Variants in STAC observed in about 807,000 individuals in gnomAD.
The protein encoded by STAC is SH3 and cysteine-rich domain-containing protein.
A neutral mutation model predicts 48.8 loss-of-function variants in STAC; 43 were observed. The ratio of observed to expected loss-of-function variants is 0.88; its 90% confidence interval spans 0.69 to 1.14. STAC has a LOEUF of 1.14. Ranked by LOEUF, STAC falls within the 50% of genes most tolerant of loss-of-function variation. The pLI, the probability that STAC is intolerant of heterozygous loss-of-function variation, is 0.00. For synonymous variants in STAC, 193 were observed against 179.5 expected (o/e 1.07, Z -0.60); for missense variants, 497 against 504.0 (o/e 0.99, Z 0.13).
chr3:36,415,435 G>A (rs753185886), intron 1 of STAC, among the ~76,000 whole-genome samples: 17 of 152,204 alleles, frequency 1.1e-4, no homozygotes, highest in Non-Finnish European at 2.4e-4. Flanking sequence ...CTAGCAATGA[G>A]CAAGGCTCCG....
intron 6 of STAC, among the ~76,000 whole-genome samples, chr3:36,495,313 A>G (rs982294844): frequency 3.9e-5 from 6 of 152,180 alleles, no homozygotes; most frequent in Admixed American, 3.9e-4. Context: ...CCTATCACCT[A>G]TTGGACATTG....
At chr3:36,393,636 G>A (rs1175203584) in intron 1 of STAC, among the ~76,000 whole-genome samples, 1 of 150,354 alleles carries the variant, frequency 6.7e-6, no homozygotes, top group African/African-American at 2.4e-5. Context: ...GATGCAATTG[G>A]TGGCCTTATA....
intron 5 of STAC, among the ~76,000 whole-genome samples, chr3:36,490,347 A>T (rs900523139): frequency 6.6e-6 from 1 of 152,168 alleles, no homozygotes; most frequent in African/African-American, 2.4e-5. Flanking sequence ...GCTTGCAACC[A>T]TCTCCCCTTA....
rs1699465014 is a variant in STAC at position 36,547,068 on chromosome 3, G to C, written c.*779G>C. ...GAGAAGTGGGGAAAGGTGGAGCAGA[G>C]AGTTCTTACTTATTGAAGATTATAC... is the stretch of plus-strand genomic sequence containing the variant. On this transcript the variant is annotated 3_prime_UTR_variant, in exon 11 of 11. Coordinates refer to ENST00000273183, the MANE Select transcript of STAC (RefSeq NM_003149.3). The C allele has an allele frequency of 6.6e-6, 1 of 152,466 alleles. No homozygotes were observed. Among genetic ancestry groups the C allele is most frequent in the African/African-American group, 2.4e-5 (1 of 41,466 alleles). The allele number at this position is 152,466 out of a possible 1,614,324, so 9.4% of individuals were successfully genotyped here. A position where few individuals can be genotyped will look rare whatever the true frequency, so the allele number is the denominator to read the frequency against.
chr3:36,506,656 C>G (rs2885143), intron 8 of STAC, among the ~76,000 whole-genome samples: 45,454 of 151,906 alleles, frequency 0.3, 7,390 homozygotes, highest in Middle Eastern at 0.4. Context: ...CCCTTGTAAG[C>G]TGGATTCCTA....
intron 10 of STAC, among the ~76,000 whole-genome samples, chr3:36,540,427 T>G (rs1210737809): frequency 6.6e-6 from 1 of 152,178 alleles, no homozygotes; most frequent in Non-Finnish European, 1.5e-5. Context: ...TACCCTAGAT[T>G]GTCTAGGTGG....
At chr3:36,431,698 A>C (rs915315432) in intron 1 of STAC, among the ~76,000 whole-genome samples, 23 of 152,204 alleles carry the variant, frequency 1.5e-4, no homozygotes, top group Admixed American at 1.4e-3. Context: ...AGAGAGGTTT[A>C]TAAAGCACAC....
At chr3:36,481,737 C>T (rs1435183538) in intron 2 of STAC, among the ~76,000 whole-genome samples, 3 of 152,218 alleles carry the variant, frequency 2.0e-5, no homozygotes, top group African/African-American at 4.8e-5. Context: ...TTTTGGAGTG[C>T]AGGCCTTGTT....
At chr3:36,496,135 C>T (rs1698147453) in intron 6 of STAC, among the ~76,000 whole-genome samples, 1 of 152,176 alleles carries the variant, frequency 6.6e-6, no homozygotes, top group South Asian at 2.1e-4. Context: ...TCAAAGAGAT[C>T]TGGTGAAAGA....
chr3:36,499,286 T>C (rs1014884153), intron 6 of STAC, among the ~76,000 whole-genome samples: 1 of 152,294 alleles, frequency 6.6e-6, no homozygotes, highest in East Asian at 1.9e-4. Context: ...TAAAATAATG[T>C]TTTTAAAAAG....
rs371639701 is a variant in STAC, at chr3:36,398,834, T to C, written c.111+18080T>C. 2.3e-4 allele frequency among the ~76,000 whole-genome samples: 35 copies of C among 152,254 alleles called. No individual in the cohort carries two copies. The South Asian group carries it at 6.6e-3, about 29-fold the overall frequency. On this transcript the variant is annotated intron_variant, in intron 1 of 10. Coordinates refer to ENST00000273183, the MANE Select transcript of STAC (RefSeq NM_003149.3). ...CAGGTTGCTGTTGCTGTGGAAGGTA[T>C]TGAGTTCAGATTTTCTATCATCCCT...
intron 2 of STAC, among the ~76,000 whole-genome samples, chr3:36,464,591 C>T (rs1289475835): frequency 6.6e-6 from 1 of 152,080 alleles, no homozygotes; most frequent in Non-Finnish European, 1.5e-5. Context: ...CTCACCCCTG[C>T]AAACTCTTTC....
In STAC at chr3:36,485,042, A is replaced by G; in HGVS notation, c.555A>G (p.Lys185=). Reference sequence around the variant, plus strand: ...TTCATGAACAGTTTGGCTGCATTAAAGAAGTTATGCCCATTGGTGAGTTGG... The same window carrying G: ...TTCATGAACAGTTTGGCTGCATTAAGGAAGTTATGCCCATTGGTGAGTTGG... ...LLIHEQFGCI[K]EVMPIACGNK... is the part of the protein sequence containing the mutation. The change falls in exon 4 of 11, where the codon AAA becomes AAG. Residue 185 remains lysine (K), a synonymous_variant. Coordinates refer to ENST00000273183, the MANE Select transcript of STAC (RefSeq NM_003149.3). The G allele has an allele frequency of 6.2e-7, 1 of 1,605,704 alleles. No homozygotes were observed. The highest frequency in any genetic ancestry group is 1.3e-5 in the African/African-American group (1 of 74,716).
At chr3:36,425,380 C>T (rs577414026) in intron 1 of STAC, among the ~76,000 whole-genome samples, 1 of 152,036 alleles carries the variant, frequency 6.6e-6, no homozygotes, top group Non-Finnish European at 1.5e-5. Flanking sequence ...AATAACTGGC[C>T]GGTAGTCTTC....
intron 2 of STAC, among the ~76,000 whole-genome samples, chr3:36,481,485 T>C (rs571537738): frequency 3.3e-5 from 5 of 152,300 alleles, no homozygotes; most frequent in African/African-American, 9.6e-5. Flanking sequence ...GTGGATTTTG[T>C]AATCTTGGGA....
At chr3:36,514,342 C>T (rs765026622) in intron 8 of STAC, among the ~76,000 whole-genome samples, 3 of 150,634 alleles carry the variant, frequency 2.0e-5, no homozygotes, top group Non-Finnish European at 4.4e-5. Context: ...CATTCACACA[C>T]ACACAGGCAC....
rs1699457682 is a variant in STAC at position 36,546,744 on chromosome 3, C to G, written c.*455C>G. 1 of 161,504 alleles carries G rather than the reference C, an allele frequency of 6.2e-6. No homozygotes were observed. The highest frequency in any genetic ancestry group is 2.4e-5 in the African/African-American group (1 of 41,744). The allele number at this position is 161,504 out of a possible 1,614,324, so 10.0% of individuals were successfully genotyped here. ...AGTCAGTGTCATCACATTTCAGGCC[C>G]CAAGCAATCTCTGTGCAAAGCATCA... is the stretch of plus-strand genomic sequence containing the variant. On this transcript the variant is annotated 3_prime_UTR_variant, in exon 11 of 11. Coordinates refer to ENST00000273183, the MANE Select transcript of STAC (RefSeq NM_003149.3).
At chr3:36,399,066 G>A (rs1699947617) in intron 1 of STAC, among the ~76,000 whole-genome samples, 2 of 152,208 alleles carry the variant, frequency 1.3e-5, no homozygotes, top group Non-Finnish European at 2.9e-5. Context: ...CTCCCTTAAG[G>A]AAATATGGCA....
At chr3:36,453,558 T>C (rs1696755478) in intron 2 of STAC, among the ~76,000 whole-genome samples, 1 of 152,228 alleles carries the variant, frequency 6.6e-6, no homozygotes, top group Admixed American at 6.5e-5. Flanking sequence ...GCTGGGGACC[T>C]GCAGCCCGCC....
Sources: allele counts gnomAD v4.1 joint callset (sites outside exome capture counted in the v4.1 genomes callset), GRCh38; gene constraint gnomAD v4.1.1; transcripts MANE v1.5; gene names NCBI Gene and HGNC (gene_info 2026-07-23, HGNC 2026-07-21).